ZBTB21: variants seen among roughly 807,000 people sequenced by gnomAD.
ZBTB21 encodes the protein zinc finger and BTB domain containing 21, also known as zinc finger and BTB domain-containing protein 21.
A neutral mutation model predicts 39.8 loss-of-function variants in ZBTB21; 10 were observed. The ratio of observed to expected loss-of-function variants is 0.25; its 90% confidence interval spans 0.16 to 0.43. The LOEUF is 0.43. Ranked by LOEUF, ZBTB21 falls within the 20% of genes least tolerant of loss-of-function variation. The pLI is 1.00. For synonymous variants in ZBTB21, 551 were observed against 498.8 expected (o/e 1.10, Z -1.40); for missense variants, 1,221 against 1,296.3 (o/e 0.94, Z 0.89).
At chr21:42,008,540 C>CAAAAAAAAAAAAAAAA (rs68176203) in intron 1 of ZBTB21, among the ~76,000 whole-genome samples, 11 of 60,360 alleles carry the variant, frequency 1.8e-4, no homozygotes, top group African/African-American at 5.3e-4. Context: ...GAAACTCTGT[C>CAAAAAAAAAAAAAAAA]AAAAAAAAAA....
At chr21:42,001,556 G>C (rs545163246) in intron 2 of ZBTB21, among the ~76,000 whole-genome samples, 4 of 152,220 alleles carry the variant, frequency 2.6e-5, no homozygotes, top group Admixed American at 1.3e-4. Flanking sequence ...ACAGGCATCA[G>C]AGCCAGGTGA....
At position 41,992,864 on chromosome 21, in the gene ZBTB21, C is replaced by T; in HGVS notation, c.1232G>A (p.Ser411Asn). The change falls in exon 3 of 3, where the codon AGT becomes AAT. Residue 411 changes from serine (S) to asparagine (N), a missense_variant. Around this residue, in one of 4 missense-constraint regions of ZBTB21, gnomAD observed 500 missense variants for 465.6 expected, o/e 1.07. Transcript: ENST00000310826. This position sits in a 1 kb window ranked among gnomAD's most constrained non-coding sequence, Gnocchi z 4.1. The part of the protein sequence containing the change: ...VLQPHRLRSF[S>N]ASQSTDREGA... ...CTCCCTGTCTGTTGACTGAGAAGCA[C>T]TAAAGGACCTGAGGCGATGCGGTTG... The T allele has an allele frequency of 6.2e-7, 1 of 1,614,220 alleles. No homozygotes were observed.
At chr21:41,998,179 C>T (rs1192626255) in intron 2 of ZBTB21, among the ~76,000 whole-genome samples, 1 of 151,412 alleles carries the variant, frequency 6.6e-6, no homozygotes, top group Non-Finnish European at 1.5e-5. Context: ...TCCTCTAACA[C>T]CTCATCCTTT....
intron 1 of ZBTB21, among the ~76,000 whole-genome samples, chr21:42,009,893 G>C (rs1157064587): frequency 6.6e-6 from 1 of 152,218 alleles, no homozygotes; most frequent in African/African-American, 2.4e-5. Flanking sequence ...CTCCGCGCGA[G>C]GGGCGCGCGC....
At chr21:42,010,166 A>G in intron 1 of ZBTB21, 86 bp downstream of exon 1, 1 of 390,766 alleles carries the variant, frequency 2.6e-6, no homozygotes, top group Non-Finnish European at 4.5e-6. Flanking sequence ...GAGTTACGTC[A>G]GGAAAGGCCG....
Position 41,993,815 on chromosome 21 carries a change from A to G in ZBTB21, c.281T>C (p.Val94Ala), listed in dbSNP as rs1402053339. The G allele has an allele frequency of 6.2e-7, 1 of 1,614,258 alleles. No homozygotes were observed. The highest frequency in any genetic ancestry group is 1.3e-5 in the African/African-American group (1 of 75,068). The change falls in exon 3 of 3, where the codon GTT becomes GCT. Residue 94 changes from valine (V) to alanine (A), a missense_variant. Transcript: ENST00000310826. ...LNYIYSSSLF[V>A]EKSSLAAVQE... ...CACAGCAGCAAGGCTGCTCTTCTCA[A>G]CAAATAGAGAGGAAGAATAAATGTA... is the stretch of plus-strand genomic sequence containing the variant.
rs748296477 is a variant in ZBTB21 at position 41,991,953 on chromosome 21, G to A, written c.2143C>T (p.Pro715Ser). The change falls in exon 3 of 3, where the codon CCA becomes TCA. Residue 715 changes from proline to serine, a missense_variant. Pro to Ser is a moderately conservative substitution (Grantham distance 74, BLOSUM62 -1). Around this residue, in one of 4 missense-constraint regions of ZBTB21, gnomAD observed 523 missense variants for 542.5 expected, o/e 0.96. Coordinates refer to ENST00000310826, the MANE Select transcript of ZBTB21 (RefSeq NM_001098402.2). The surrounding 1 kb of genome is among the most constrained non-coding windows in gnomAD (Gnocchi z 4.9). ...KPKEHAPLAS[P>S]VENKEVYQCR... ...TGGTAAACCTCCTTGTTTTCTACTG[G>A]ACTTGCAAGAGGAGCATGCTCTTTT... The A allele has an allele frequency of 6.8e-6, 11 of 1,614,098 alleles. No homozygotes were observed. Among genetic ancestry groups the A allele is most frequent in the Non-Finnish European group, 9.3e-6 (11 of 1,180,028 alleles).
rs1247021185 is a variant in ZBTB21 at position 41,990,839 on chromosome 21, C to T, written c.*56G>A. ...ATATTTTGTTTCTTATGACACATTT[C>T]ACAATTCAGGTTGAAATCTGGGGAC... On this transcript the variant is annotated 3_prime_UTR_variant, in exon 3 of 3. Transcript: ENST00000310826. 6.5e-6 allele frequency: 9 copies of T among 1,384,566 alleles called. No individual in the cohort carries two copies. The highest frequency in any genetic ancestry group is 3.8e-4 in the Middle Eastern group (2 of 5,202). 85.8% of individuals were successfully genotyped at this position (1,384,566 alleles called of 1,614,324 possible).
chr21:42,005,610 C>T (rs1260083518), intron 1 of ZBTB21, among the ~76,000 whole-genome samples: 2 of 152,224 alleles, frequency 1.3e-5, no homozygotes, highest in Non-Finnish European at 2.9e-5. Flanking sequence ...TAATATATTT[C>T]CACGTGGTAT....
rs751194823 is a variant in ZBTB21, at chr21:41,992,878, G to A, written c.1218C>T (p.Arg406=). Residue 406 remains arginine (R), a synonymous_variant, in exon 3 of 3, where the codon CGC becomes CGT. Coordinates refer to ENST00000310826, the MANE Select transcript of ZBTB21 (RefSeq NM_001098402.2). This position sits in a 1 kb window ranked among gnomAD's most constrained non-coding sequence, Gnocchi z 4.1. ...ACTGAGAAGCACTAAAGGACCTGAGGCGATGCGGTTGTAGCACTTGAGGCC... is the reference window on the plus strand; with the variant it reads ...ACTGAGAAGCACTAAAGGACCTGAGACGATGCGGTTGTAGCACTTGAGGCC... The part of the protein sequence containing the change: ...DDRPQVLQPH[R]LRSFSASQST... The A allele has an allele frequency of 1.9e-6, 3 of 1,614,068 alleles. No homozygotes were observed. The African/African-American group carries it at 4.0e-5, about 22-fold the overall frequency.
chr21:41,992,935 T>A lies in ZBTB21; in HGVS notation c.1161A>T (p.Lys387Asn). The change falls in exon 3 of 3, where the codon AAA becomes AAT. Residue 387 changes from lysine (K) to asparagine (N), a missense_variant. Transcript: ENST00000310826. The surrounding 1 kb of genome is among the most constrained non-coding windows in gnomAD (Gnocchi z 4.1). ...CTAGGGCTGTTTTTTCACTACAATC[T>A]TTTAAAGATGACTTCTGAGATAAAG... Reference protein sequence around the residue: ...LCALSQKSSLKDCSEKTALDD... With the variant: ...LCALSQKSSLNDCSEKTALDD... The A allele has an allele frequency of 6.2e-7, 1 of 1,614,214 alleles. No individual in the cohort carries two copies. The highest frequency in any genetic ancestry group is 8.5e-7 in the Non-Finnish European group (1 of 1,180,040).
chr21:42,006,037 AATAAAAACAATTGTTCTCCAT>A (rs1475067187), intron 1 of ZBTB21, among the ~76,000 whole-genome samples: 7 of 152,360 alleles, frequency 4.6e-5, no homozygotes, highest in African/African-American at 9.6e-5. Flanking sequence ...AAAATAAAAT[AATAAAAACAATTGTTCTCCAT>A]TAGGCTAAAA....
chr21:41,997,846 A>AC (rs1308029671), intron 2 of ZBTB21, among the ~76,000 whole-genome samples: 6 of 151,976 alleles, frequency 3.9e-5, no homozygotes, highest in Admixed American at 1.3e-4. Context: ...GGTGCCAGAC[A>AC]CTTGGGTTGA....
intron 2 of ZBTB21, among the ~76,000 whole-genome samples, chr21:41,999,616 C>T (rs1372032463): frequency 3.3e-5 from 5 of 152,198 alleles, no homozygotes; most frequent in Admixed American, 3.3e-4. Flanking sequence ...TAGCACCTAA[C>T]TGTACAGGAA....
rs1320102266 is a variant in ZBTB21 at position 41,993,089 on chromosome 21, A to G, written c.1007T>C (p.Val336Ala). Residue 336 changes from valine to alanine, a missense_variant, in exon 3 of 3, where the codon GTT (valine) becomes GCT (alanine). By Grantham distance (64) the Val-to-Ala change is moderately conservative (BLOSUM62 0). Transcript: ENST00000310826. ...CAATGACCGTCTGAGGAGACTCTTA[A>G]CAAGTGGGCCACTCCTGTCAATGCT... is the stretch of plus-strand genomic sequence containing the variant. ...NQSIDRSGPL[V>A]KSLLRRSLSM... is the part of the protein sequence containing the mutation. The G allele has an allele frequency of 1.9e-6, 3 of 1,614,250 alleles. No homozygotes were observed. The Admixed American group carries it at 5.0e-5, about 27-fold the overall frequency.
intron 1 of ZBTB21, among the ~76,000 whole-genome samples, chr21:42,007,045 T>C (rs1160289562): frequency 2.0e-5 from 3 of 152,264 alleles, no homozygotes; most frequent in Non-Finnish European, 2.9e-5. Flanking sequence ...TATACCTTCC[T>C]TGACTACTTC....
At position 42,008,801 on chromosome 21, in the gene ZBTB21, G is replaced by A. The variant is rs1438894516; in HGVS notation, c.-79+1451C>T. 2.6e-5 allele frequency among the ~76,000 whole-genome samples: 4 copies of A among 152,086 alleles called. No individual in the cohort carries two copies. The South Asian group carries it at 6.2e-4, about 24-fold the overall frequency. ...GTTAAAAAGGAAAAATAAACAAAAA[G>A]TTACTTTTAAGTAAACCAGCACTTC... On this transcript the variant is annotated intron_variant, in intron 1 of 2. Coordinates refer to ENST00000310826, the MANE Select transcript of ZBTB21 (RefSeq NM_001098402.2).
chr21:41,994,603 G>A (rs1478581944), intron 2 of ZBTB21, among the ~76,000 whole-genome samples: 2 of 152,156 alleles, frequency 1.3e-5, no homozygotes, highest in African/African-American at 4.8e-5. Context: ...TGAGACCCTT[G>A]TTTTTATTTT....
At chr21:42,004,839 T>C (rs80100855) in intron 1 of ZBTB21, among the ~76,000 whole-genome samples, 6 of 152,220 alleles carry the variant, frequency 3.9e-5, no homozygotes, top group Admixed American at 3.9e-4. Context: ...AGACTGCTTA[T>C]CCCCAAACCC....
Sources: gnomAD v4.1 joint callset for allele counts (sites outside exome capture counted in the v4.1 genomes callset) on GRCh38, gnomAD v4.1.1 for gene constraint, gnomAD v4.1.1 regional missense constraint, Gnocchi (gnomAD v3.1) non-coding constraint, MANE v1.5 for transcripts, NCBI Gene and HGNC (gene_info 2026-07-23, HGNC 2026-07-21) for gene names.